Variants in EXOG observed in about 807,000 individuals in gnomAD.
EXOG encodes the protein nuclease EXOG, mitochondrial.
In EXOG, 27 loss-of-function variants were observed where a neutral mutation model predicts 25.8. That is an observed-to-expected ratio of 1.05 (90% confidence interval 0.77 to 1.45). EXOG has a LOEUF of 1.45. EXOG is among the 40% of genes most tolerant of loss of function. EXOG has a pLI of 0.00. For missense variants in EXOG, 458 were observed against 450.5 expected (o/e 1.02, Z -0.15); for synonymous variants, 133 against 167.0 (o/e 0.80, Z 1.57).
chr3:38,510,739 A>G (rs1008793735), intron 5 of EXOG, among the ~76,000 whole-genome samples: 6 of 151,348 alleles, frequency 4.0e-5, no homozygotes, highest in Non-Finnish European at 7.4e-5. Context: ...AAAATAGTTT[A>G]TCAGTGAAAT....
chr3:38,498,032 CAAT>C, intron 2 of EXOG: 1 of 402,976 alleles, frequency 2.5e-6, no homozygotes, highest in Non-Finnish European at 4.4e-6. Context: ...AATATTACAG[CAAT>C]GAGCACCATT....
intron 4 of EXOG, among the ~76,000 whole-genome samples, chr3:38,506,094 G>A (rs532387764): frequency 5.3e-5 from 8 of 151,814 alleles, no homozygotes; most frequent in East Asian, 3.9e-4. Context: ...ACTTGAACCC[G>A]GGAGGCAGAG....
chr3:38,511,344 C>T lies in EXOG; in HGVS notation c.645+4376C>T, dbSNP rs928270526. On this transcript the variant is annotated intron_variant, in intron 5 of 5. Transcript: ENST00000287675. ...ACCAGTCTATCTGGAGTACAGAAAC[C>T]ATGACAGAGAAAGTATACGTTGTTA... Among the ~76,000 whole-genome samples the T allele has an allele frequency of 2.9e-4, 44 of 152,068 alleles. 1 individual carries two copies. The highest frequency in any genetic ancestry group is 2.8e-3 in the Admixed American group (43 of 15,278).
rs370106287 is a variant in EXOG at position 38,496,464 on chromosome 3, C to T, written c.97C>T (p.Leu33Phe). Residue 33 changes from leucine to phenylalanine, a missense_variant, in exon 1 of 6, where the codon CTC (leucine) becomes TTC (phenylalanine). Physicochemically the swap from Leu to Phe is conservative, Grantham distance 22. Around this residue, in one of 3 missense-constraint regions of EXOG, gnomAD observed 275 missense variants for 230.5 expected, o/e 1.19. Coordinates refer to ENST00000287675, the MANE Select transcript of EXOG (RefSeq NM_005107.4). ...GAVVGAAGAG[L>F]AALQFFRSQG... ...TGTAGTGGGCGCTGCGGGAGCTGGGCTCGCGGCCCTGCAGTTCTTCCGGAG... is the reference window on the plus strand; with the variant it reads ...TGTAGTGGGCGCTGCGGGAGCTGGGTTCGCGGCCCTGCAGTTCTTCCGGAG... 1.1e-4 allele frequency: 185 copies of T among 1,613,924 alleles called. No individual in the cohort carries two copies. Among genetic ancestry groups the T allele is most frequent in the Admixed American group, 4.0e-4 (24 of 60,010 alleles).
At position 38,524,486 on chromosome 3, in the gene EXOG, C is replaced by T. The variant is rs990072581; in HGVS notation, c.*124C>T. The T allele has an allele frequency of 5.6e-6, 8 of 1,415,936 alleles. No homozygotes were observed. In the South Asian group the frequency reaches 6.2e-5, roughly 11 times the overall value. The allele number at this position is 1,415,936 out of a possible 1,614,324, so 87.7% of individuals were successfully genotyped here. A position where few individuals can be genotyped will look rare whatever the true frequency, so the allele number is the denominator to read the frequency against. ...TTTTTCTCTTTAAGAGATGTGGTCT[C>T]GCCGTGTCATCCAGGCTGGAGTGCA... On this transcript the variant is annotated 3_prime_UTR_variant, in exon 6 of 6. Transcript: ENST00000287675.
intron 5 of EXOG, among the ~76,000 whole-genome samples, chr3:38,512,716 A>C (rs1429650708): frequency 6.6e-6 from 1 of 152,178 alleles, no homozygotes; most frequent in Non-Finnish European, 1.5e-5. Context: ...TGCCTGTAGC[A>C]GAGTTTGTAA....
At chr3:38,520,689 T>G (rs905802006) in intron 5 of EXOG, among the ~76,000 whole-genome samples, 1 of 152,232 alleles carries the variant, frequency 6.6e-6, no homozygotes, top group Non-Finnish European at 1.5e-5. Context: ...AATAGCTTTT[T>G]ACATAGATCT....
intron 2 of EXOG, among the ~76,000 whole-genome samples, chr3:38,498,564 A>G (rs2059959548): frequency 6.6e-6 from 1 of 152,150 alleles, no homozygotes; most frequent in African/African-American, 2.4e-5. Flanking sequence ...CAAAAAAAAA[A>G]AAAAGTGTGA....
At position 38,525,281 on chromosome 3, in the gene EXOG, T is replaced by A; in HGVS notation, c.*919T>A. The A allele has an allele frequency of 2.0e-6, 2 of 985,384 alleles. No individual in the cohort carries two copies. The highest frequency in any genetic ancestry group is 2.4e-6 in the Non-Finnish European group (2 of 829,884). 61.0% of individuals were successfully genotyped at this position (985,384 alleles called of 1,614,324 possible). On this transcript the variant is annotated 3_prime_UTR_variant, in exon 6 of 6. Coordinates refer to ENST00000287675, the MANE Select transcript of EXOG (RefSeq NM_005107.4). Reference sequence around the variant, plus strand: ...ATCCACAAAGTATGAGGCAGACAGATCTAAGAGAAGAAAGACAGCTGAGGT... The same window carrying A: ...ATCCACAAAGTATGAGGCAGACAGAACTAAGAGAAGAAAGACAGCTGAGGT...
chr3:38,496,365 A>G lies in EXOG; in HGVS notation c.-3A>G, dbSNP rs1336713415. 6.2e-7 allele frequency: 1 copy of G among 1,612,414 alleles called. No homozygotes were observed. Among genetic ancestry groups the G allele is most frequent in the South Asian group, 1.1e-5 (1 of 90,942 alleles). On this transcript the variant is annotated 5_prime_UTR_variant, in exon 1 of 6. Coordinates refer to ENST00000287675, the MANE Select transcript of EXOG (RefSeq NM_005107.4). ...GTGGTAAAAGGCCGGTACCTCGGGC[A>G]AGATGGCTATCAAGAGTATCGCTTC... is the stretch of plus-strand genomic sequence containing the variant.
chr3:38,504,539 G>T (rs2060143074), intron 4 of EXOG, among the ~76,000 whole-genome samples: 1 of 151,914 alleles, frequency 6.6e-6, no homozygotes, highest in South Asian at 2.1e-4. Flanking sequence ...GGGTTCAAGC[G>T]ATTCTCCTGC....
Position 38,497,668 on chromosome 3 carries a change from C to G in EXOG, c.203C>G (p.Pro68Arg). ...GCTGTCTTGGAACAATTTGGATTCC[C>G]TTTAACTGGAACAGAGGCAAGGTGT... Reference protein sequence around the residue: ...EKAVLEQFGFPLTGTEARCYT... With the variant: ...EKAVLEQFGFRLTGTEARCYT... Residue 68 changes from proline to arginine, a missense_variant, in exon 2 of 6, where the codon CCT becomes CGT. Around this residue, in one of 3 missense-constraint regions of EXOG, gnomAD observed 275 missense variants for 230.5 expected, o/e 1.19. Coordinates refer to ENST00000287675, the MANE Select transcript of EXOG (RefSeq NM_005107.4). 6.2e-7 allele frequency: 1 copy of G among 1,600,296 alleles called. No individual in the cohort carries two copies. Among genetic ancestry groups the G allele is most frequent in the Non-Finnish European group, 8.5e-7 (1 of 1,176,558 alleles).
chr3:38,516,198 C>T (rs886982389), intron 5 of EXOG, among the ~76,000 whole-genome samples: 1 of 151,226 alleles, frequency 6.6e-6, no homozygotes, highest in African/African-American at 2.4e-5. Context: ...ATATGGATAT[C>T]CATATATATA....
At chr3:38,498,554 C>T (rs552479284) in intron 2 of EXOG, among the ~76,000 whole-genome samples, 42 of 124,000 alleles carry the variant, frequency 3.4e-4, no homozygotes, top group African/African-American at 1.2e-3. Context: ...GAATGTGTCT[C>T]AAAAAAAAAA....
chr3:38,523,265 C>A, intron 5 of EXOG: 2 of 1,287,984 alleles, frequency 1.6e-6, no homozygotes, highest in African/African-American at 1.5e-5. Flanking sequence ...GACAGCTTTT[C>A]TTGTCTATTA....
intron 2 of EXOG, among the ~76,000 whole-genome samples, chr3:38,499,454 T>C (rs1157746631): frequency 6.6e-6 from 1 of 152,204 alleles, no homozygotes; most frequent in African/African-American, 2.4e-5. Flanking sequence ...AGCTGTGTAC[T>C]TTTGAGGCAA....
chr3:38,511,655 C>T (rs574023015), intron 5 of EXOG, among the ~76,000 whole-genome samples: 16 of 152,206 alleles, frequency 1.1e-4, no homozygotes, highest in Non-Finnish European at 1.9e-4. Context: ...GGAGCTTATC[C>T]CTTTATCTTG....
chr3:38,499,588 C>T (rs1304485318), intron 2 of EXOG: 5 of 443,986 alleles, frequency 1.1e-5, no homozygotes, highest in African/African-American at 2.0e-5. Flanking sequence ...ATAGAATCTT[C>T]CTGCTGAAAC....
rs1166322942 is a variant in EXOG, at chr3:38,496,362, G to A, written c.-6G>A. 18 of 1,611,800 alleles carry A rather than the reference G, an allele frequency of 1.1e-5. No homozygotes were observed. Among genetic ancestry groups the A allele is most frequent in the Non-Finnish European group, 1.4e-5 (17 of 1,178,926 alleles). On this transcript the variant is annotated 5_prime_UTR_variant, in exon 1 of 6. Transcript: ENST00000287675. ...GCCGTGGTAAAAGGCCGGTACCTCG[G>A]GCAAGATGGCTATCAAGAGTATCGC... is the stretch of plus-strand genomic sequence containing the variant.
Sources: gnomAD v4.1 joint callset for allele counts (sites outside exome capture counted in the v4.1 genomes callset) on GRCh38, gnomAD v4.1.1 for gene constraint, gnomAD v4.1.1 regional missense constraint, MANE v1.5 for transcripts, NCBI Gene and HGNC (gene_info 2026-07-23, HGNC 2026-07-21) for gene names.